The following RPSA variants were observed in gnomAD, a reference collection of about 807,000 sequenced individuals.
RPSA encodes the protein small ribosomal subunit protein uS2.
For missense variants in RPSA, 140 were observed against 372.8 expected (o/e 0.38, Z 5.14); for synonymous variants, 103 against 126.7 (o/e 0.81, Z 1.25).
rs376695295 is a variant in RPSA, at chr3:39,410,739, T to C, written c.253-15T>C. 1 of 1,613,798 alleles carries C rather than the reference T, an allele frequency of 6.2e-7. No homozygotes were observed. The highest frequency in any genetic ancestry group is 1.3e-5 in the African/African-American group (1 of 74,916). On this transcript the variant is annotated splice_polypyrimidine_tract_variant and intron_variant, in intron 3 of 6. Coordinates refer to ENST00000301821, the MANE Select transcript of RPSA (RefSeq NM_002295.6). ...GTGGAATATCGAGTACCACTAACTT[T>C]TAAATTCTTCAAAGAGGGCTGTGCT...
intron 3 of RPSA, chr3:39,409,116 A>G (rs191918993): frequency 5.2e-4 from 25 of 47,792 alleles, no homozygotes; most frequent in East Asian, 1.5e-3. Flanking sequence ...AGAAAACTCA[A>G]ACTCCACTGT....
At chr3:39,411,282 T>C in intron 4 of RPSA, 1 of 672,254 alleles carries the variant, frequency 1.5e-6, no homozygotes, top group Non-Finnish European at 2.8e-6. Flanking sequence ...CCTTTGTCCA[T>C]GTTTCTTGCT....
chr3:39,406,724 T>C lies in RPSA; in HGVS notation c.-74T>C. On this transcript the variant is annotated 5_prime_UTR_variant, in exon 1 of 7. Transcript: ENST00000301821. ...ACGTCATTTCCTGCCGCCTGTCTTT[T>C]CCGTGCTACCTGCAGAGGGGTCCAT... is the stretch of plus-strand genomic sequence containing the variant. 1.4e-5 allele frequency: 5 copies of C among 351,436 alleles called. No individual in the cohort carries two copies. Among genetic ancestry groups the C allele is most frequent in the South Asian group, 1.0e-4 (5 of 49,132 alleles). 21.8% of individuals were successfully genotyped at this position (351,436 alleles called of 1,614,324 possible).
Position 39,411,699 on chromosome 3 carries a change from G to C in RPSA, c.549G>C (p.Leu183=), listed in dbSNP as rs1196105071. The C allele has an allele frequency of 6.2e-7, 1 of 1,602,640 alleles. No homozygotes were observed. The highest frequency in any genetic ancestry group is 1.1e-5 in the South Asian group (1 of 91,078). Residue 183 remains leucine (L), a synonymous_variant, in exon 5 of 7, where the codon CTG becomes CTC. Coordinates refer to ENST00000301821, the MANE Select transcript of RPSA (RefSeq NM_002295.6). ...GGTGGATGCTGGCTCGGGAAGTTCT[G>C]CGCATGCGTGGCACCATTTCCCGTG... ...LMWWMLAREV[L]RMRGTISREH... is the part of the protein sequence containing the mutation.
At chr3:39,407,126 T>C (rs1021590089) in intron 1 of RPSA, 16 of 391,556 alleles carry the variant, frequency 4.1e-5, no homozygotes, top group Non-Finnish European at 8.0e-5. Context: ...CTACTTGGGC[T>C]GGTCGGGTTT....
At position 39,407,659 on chromosome 3, in the gene RPSA, C is replaced by T. The variant is rs1161322823; in HGVS notation, c.6C>T (p.Ser2=). ...CTTAAAGGGAAATTTTCACAATGTC[C>T]GGAGCCCTTGATGTCCTGCAAATGA... M[S]GALDVLQMKE... The change falls in exon 2 of 7, where the codon TCC becomes TCT. Residue 2 remains serine (S), a synonymous_variant. Coordinates refer to ENST00000301821, the MANE Select transcript of RPSA (RefSeq NM_002295.6). 16 of 1,595,942 alleles carry T rather than the reference C, an allele frequency of 1.0e-5. No individual in the cohort carries two copies. Among genetic ancestry groups the T allele is most frequent in the Non-Finnish European group, 1.4e-5 (16 of 1,177,828 alleles).
chr3:39,406,803 A>G (rs1230366517), intron 1 of RPSA, 39 bp downstream of exon 1: 5 of 453,296 alleles, frequency 1.1e-5, no homozygotes, highest in Admixed American at 9.5e-5. Context: ...TTCCAGGGCT[A>G]GAAAAATGAG....
chr3:39,407,950 A>G (rs3772141), intron 2 of RPSA, 164 bp downstream of exon 2: 178,589 of 603,080 alleles, frequency 0.3, 27,690 homozygotes, highest in Non-Finnish European at 0.32. Flanking sequence ...TATTGAGAGA[A>G]AAGATTTCTG....
chr3:39,408,491 T>C, intron 2 of RPSA, 115 bp from the exon 3 acceptor site: 1 of 789,846 alleles, frequency 1.3e-6, no homozygotes. Flanking sequence ...CTAACACCAG[T>C]AGAGCTTGCC....
At chr3:39,408,951 G>A in intron 3 of RPSA, 1 of 458,218 alleles carries the variant, frequency 2.2e-6, no homozygotes, top group South Asian at 2.2e-5. Flanking sequence ...TTGGGCGTGG[G>A]GGCGGGTGCC....
Position 39,412,057 on chromosome 3 carries a change from T to C in RPSA, c.789T>C (p.Pro263=), listed in dbSNP as rs1200246659. 6.2e-7 allele frequency: 1 copy of C among 1,611,258 alleles called. No individual in the cohort carries two copies. Among genetic ancestry groups the C allele is most frequent in the Non-Finnish European group, 8.5e-7 (1 of 1,179,664 alleles). The change falls in exon 6 of 7, where the codon CCT becomes CCC. Residue 263 remains proline (P), a synonymous_variant. Coordinates refer to ENST00000301821, the MANE Select transcript of RPSA (RefSeq NM_002295.6). ...QVPSVPIQQF[P]TEDWSAQPAT... The stretch of plus-strand genomic sequence containing the variant: ...CCTCTGTGCCTATTCAGCAATTCCC[T>C]ACTGGTATGTATCAGGATAGAGGTG...
chr3:39,409,184 CTTTTT>C (rs71091746), intron 3 of RPSA, among the ~76,000 whole-genome samples: 17,394 of 85,296 alleles, frequency 0.2, 1,700 homozygotes, highest in East Asian at 0.36. Context: ...TATGACCTTC[CTTTTT>C]TTTTTTTTTT....
rs556933031 is a variant in RPSA at position 39,406,990 on chromosome 3, C to T, written c.-34+226C>T. ...GGAGGCCGCCCTCCAGCGGAGGCTCCGAGCTGGGGTTCGGACCAGGCCGCG... is the reference window on the plus strand; with the variant it reads ...GGAGGCCGCCCTCCAGCGGAGGCTCTGAGCTGGGGTTCGGACCAGGCCGCG... On this transcript the variant is annotated intron_variant, in intron 1 of 6. Transcript: ENST00000301821. The T allele has an allele frequency of 1.3e-4, 60 of 451,594 alleles. 1 individual carries two copies. Among genetic ancestry groups the T allele is most frequent in the South Asian group, 9.2e-4 (59 of 63,920 alleles). The allele number at this position is 451,594 out of a possible 1,614,324, so 28.0% of individuals were successfully genotyped here.
At chr3:39,412,102 A>G (rs1356704105) in intron 6 of RPSA, 41 bp downstream of exon 6, 1 of 1,582,432 alleles carries the variant, frequency 6.3e-7, no homozygotes, top group Non-Finnish European at 8.7e-7. Context: ...GATATTTTGC[A>G]ACTTCTCAGT....
chr3:39,412,299 G>A lies in RPSA; in HGVS notation c.819G>A (p.Thr273=), dbSNP rs773419742. 3.5e-5 allele frequency: 57 copies of A among 1,610,762 alleles called. No homozygotes were observed. Among genetic ancestry groups the A allele is most frequent in the East Asian group, 4.5e-5 (2 of 44,856 alleles). ...AAGACTGGAGCGCTCAGCCTGCCAC[G>A]GAAGACTGGTCTGCAGCTCCCACTG... ...PTEDWSAQPA[T]EDWSAAPTAQ... is the part of the protein sequence containing the mutation. The change falls in exon 7 of 7, where the codon ACG becomes ACA. Residue 273 remains threonine, a synonymous_variant. Transcript: ENST00000301821.
At chr3:39,411,368 G>T in intron 4 of RPSA, 2 of 565,196 alleles carry the variant, frequency 3.5e-6, no homozygotes, top group Non-Finnish European at 6.4e-6. Flanking sequence ...AAGGTGGGTT[G>T]TGTGTGGTTC....
chr3:39,408,434 G>C, intron 2 of RPSA, 172 bp from the exon 3 acceptor site: 1 of 770,254 alleles, frequency 1.3e-6, no homozygotes, highest in Non-Finnish European at 2.4e-6. Context: ...CTTGGCTCAT[G>C]AACTTCTGAG....
rs1484179953 is a variant in RPSA at position 39,406,740 on chromosome 3, A to G, written c.-58A>G. 2.5e-5 allele frequency: 10 copies of G among 393,168 alleles called. No individual in the cohort carries two copies. Among genetic ancestry groups the G allele is most frequent in the African/African-American group, 1.3e-4 (6 of 46,680 alleles). 24.4% of individuals were successfully genotyped at this position (393,168 alleles called of 1,614,324 possible). A position where few individuals can be genotyped will look rare whatever the true frequency, so the allele number is the denominator to read the frequency against. ...CCTGTCTTTTCCGTGCTACCTGCAG[A>G]GGGGTCCATACGGCGTTGTTCTGGG... On this transcript the variant is annotated 5_prime_UTR_variant, in exon 1 of 7. Coordinates refer to ENST00000301821, the MANE Select transcript of RPSA (RefSeq NM_002295.6).
rs1229607405 is a variant in RPSA, at chr3:39,406,751, C to T, written c.-47C>T. 6 of 413,696 alleles carry T rather than the reference C, an allele frequency of 1.5e-5. No homozygotes were observed. Among genetic ancestry groups the T allele is most frequent in the Non-Finnish European group, 2.9e-5 (6 of 208,018 alleles). 25.6% of individuals were successfully genotyped at this position (413,696 alleles called of 1,614,324 possible). The stretch of plus-strand genomic sequence containing the variant: ...CGTGCTACCTGCAGAGGGGTCCATA[C>T]GGCGTTGTTCTGGGTGAGTTCCGTG... On this transcript the variant is annotated 5_prime_UTR_variant, in exon 1 of 7. The change creates a new upstream start codon in the 5' untranslated region. Coordinates refer to ENST00000301821, the MANE Select transcript of RPSA (RefSeq NM_002295.6).
Sources: gnomAD v4.1 joint callset for allele counts (sites outside exome capture counted in the v4.1 genomes callset) on GRCh38, gnomAD v4.1.1 for gene constraint, MANE v1.5 for transcripts, NCBI Gene and HGNC (gene_info 2026-07-23, HGNC 2026-07-21) for gene names.